Variants in AGGF1 observed in about 807,000 individuals in gnomAD.
The protein encoded by AGGF1 is angiogenic factor with G patch and FHA domains 1.
AGGF1 carries 56 observed loss-of-function variants against 86.5 expected under a neutral mutation model. The ratio of observed to expected loss-of-function variants is 0.65; its 90% confidence interval spans 0.52 to 0.81. The LOEUF (loss-of-function observed/expected upper bound fraction) is 0.81, where lower values mean the gene tolerates loss of function less well. AGGF1 is among the 30% of genes least tolerant of loss of function. The pLI, the probability that AGGF1 is intolerant of heterozygous loss-of-function variation, is 0.00. For missense variants in AGGF1, 816 were observed against 850.9 expected (o/e 0.96, Z 0.51); for synonymous variants, 313 against 297.1 (o/e 1.05, Z -0.55).
At chr5:77,058,452 C>T (rs1312348251) in intron 11 of AGGF1, among the ~76,000 whole-genome samples, 3 of 151,984 alleles carry the variant, frequency 2.0e-5, no homozygotes, top group Non-Finnish European at 2.9e-5. Context: ...TTGTATCTTT[C>T]GTTGTTGTTG....
At chr5:77,055,974 TC>T (rs1172473645) in intron 11 of AGGF1, among the ~76,000 whole-genome samples, 14 of 152,172 alleles carry the variant, frequency 9.2e-5, no homozygotes, top group Admixed American at 9.2e-4. Flanking sequence ...GGCTCTGCAC[TC>T]CAGCCTGGGC....
At chr5:77,051,873 A>G (rs775951228) in intron 8 of AGGF1, among the ~76,000 whole-genome samples, 14 of 152,222 alleles carry the variant, frequency 9.2e-5, no homozygotes, top group Non-Finnish European at 1.8e-4. Flanking sequence ...AGCAAAATGA[A>G]TGAACGACAA....
intron 11 of AGGF1, among the ~76,000 whole-genome samples, chr5:77,056,814 A>C (rs55823036): frequency 0.17 from 25,795 of 152,138 alleles, 2,670 homozygotes; most frequent in Non-Finnish European, 0.21. Context: ...TATTAAGAGA[A>C]TGAAAAGACA....
intron 13 of AGGF1, among the ~76,000 whole-genome samples, 182 bp downstream of exon 13, chr5:77,061,984 A>G (rs1481573621): frequency 6.6e-6 from 1 of 152,168 alleles, no homozygotes; most frequent in Non-Finnish European, 1.5e-5. Flanking sequence ...TGTGTTTTAT[A>G]TTTTTAGAAA....
At chr5:77,034,396 C>G (rs1282997758) in intron 1 of AGGF1, 22 bp from the exon 2 acceptor site, 1 of 1,459,258 alleles carries the variant, frequency 6.9e-7, no homozygotes, top group African/African-American at 1.4e-5. Flanking sequence ...TTTCTTTTTC[C>G]TAAAGCCTTG....
At position 77,052,123 on chromosome 5, in the gene AGGF1, C is replaced by G. The variant is rs200269501; in HGVS notation, c.1366-583C>G. On this transcript the variant is annotated intron_variant, in intron 8 of 13. Transcript: ENST00000312916. Reference sequence around the variant, plus strand: ...ATCCCAGCACTTTGGGAGGCTGAGGCGGGAGGATCACTTGAGCTCAGGAGT... The same window carrying G: ...ATCCCAGCACTTTGGGAGGCTGAGGGGGGAGGATCACTTGAGCTCAGGAGT... Among the ~76,000 whole-genome samples the G allele has an allele frequency of 5.7e-4, 87 of 152,114 alleles. No homozygotes were observed. The East Asian group carries it at 0.016, about 28-fold the overall frequency.
intron 5 of AGGF1, among the ~76,000 whole-genome samples, chr5:77,043,959 C>T (rs1310167028): frequency 2.2e-5 from 3 of 134,992 alleles, no homozygotes; most frequent in Admixed American, 7.4e-5. Context: ...GGGGCAGAGG[C>T]GCTCCCCACA....
intron 5 of AGGF1, among the ~76,000 whole-genome samples, chr5:77,043,984 C>T (rs1362975430): frequency 8.3e-5 from 11 of 133,058 alleles, no homozygotes; most frequent in Non-Finnish European, 1.8e-4. Flanking sequence ...AGACAATGGG[C>T]GGCCGGGCAG....
rs752188683 is a variant in AGGF1, at chr5:77,048,283, T to A, written c.1313+11T>A. 6.6e-7 allele frequency: 1 copy of A among 1,515,476 alleles called. No homozygotes were observed. Among genetic ancestry groups the A allele is most frequent in the Non-Finnish European group, 9.2e-7 (1 of 1,091,696 alleles). 93.9% of individuals were successfully genotyped at this position (1,515,476 alleles called of 1,614,324 possible). ...TGCTACAATTGGAAGGTAAAATGGT[T>A]AATATTATTATATCATTCTTTCAGT... On this transcript the variant is annotated intron_variant, in intron 7 of 13. Coordinates refer to ENST00000312916, the MANE Select transcript of AGGF1 (RefSeq NM_018046.5).
At chr5:77,044,629 T>A (rs1747211105) in intron 5 of AGGF1, among the ~76,000 whole-genome samples, 2 of 152,200 alleles carry the variant, frequency 1.3e-5, no homozygotes, top group African/African-American at 2.4e-5. Context: ...GATTGGAAAC[T>A]GCTTTTTTAA....
rs1253076626 is a variant in AGGF1, at chr5:77,039,669, T to C, written c.820T>C (p.Leu274=). ...CACAAAACAAAGTAAAGATAAAAAA[T>C]TGAAGAAGAAAAGAAAAGATCCAGA... ...SSTKQSKDKK[L]KKKRKDPDSS... Residue 274 remains leucine, a synonymous_variant, in exon 5 of 14, where the codon TTG becomes CTG. Coordinates refer to ENST00000312916, the MANE Select transcript of AGGF1 (RefSeq NM_018046.5). 5 of 1,612,090 alleles carry C rather than the reference T, an allele frequency of 3.1e-6. No individual in the cohort carries two copies. The Admixed American group carries it at 5.0e-5, about 16-fold the overall frequency.
Position 77,030,611 on chromosome 5 carries a change from A to G in AGGF1, c.-156A>G, listed in dbSNP as rs1746822029. ...TCGCAGCCCCGTTCGGCTACAAGTGAGTTTCAGGGCGTCATGGCCAGGGGC... is the reference window on the plus strand; with the variant it reads ...TCGCAGCCCCGTTCGGCTACAAGTGGGTTTCAGGGCGTCATGGCCAGGGGC... On this transcript the variant is annotated 5_prime_UTR_variant, in exon 1 of 14. Coordinates refer to ENST00000312916, the MANE Select transcript of AGGF1 (RefSeq NM_018046.5). 1 of 835,058 alleles carries G rather than the reference A, an allele frequency of 1.2e-6. No individual in the cohort carries two copies. The highest frequency in any genetic ancestry group is 2.0e-6 in the Non-Finnish European group (1 of 508,328). The allele number at this position is 835,058 out of a possible 1,614,324, so 51.7% of individuals were successfully genotyped here.
At chr5:77,053,625 A>G (rs1282809444) in intron 9 of AGGF1, among the ~76,000 whole-genome samples, 6 of 152,166 alleles carry the variant, frequency 3.9e-5, no homozygotes, top group Non-Finnish European at 8.8e-5. Context: ...GATGTGATGC[A>G]TTTATCCCAT....
At chr5:77,054,172 T>C in intron 10 of AGGF1, 42 bp downstream of exon 10, 2 of 1,609,798 alleles carry the variant, frequency 1.2e-6, no homozygotes, top group Non-Finnish European at 8.5e-7. Context: ...AACATTTCTC[T>C]TTCATTACCT....
chr5:77,052,824 TA>T lies in AGGF1; in HGVS notation c.1467+19del. On this transcript the variant is annotated intron_variant, in intron 9 of 13. Transcript: ENST00000312916. ...ATTCTTCAGGTGAGTGTATATGTGT[TA>T]ATTTGTTACCTGCACATTATTTTTA... The T allele has an allele frequency of 6.4e-7, 1 of 1,568,852 alleles. No homozygotes were observed. The highest frequency in any genetic ancestry group is 8.8e-7 in the Non-Finnish European group (1 of 1,139,006).
At chr5:77,036,866 T>C in intron 4 of AGGF1, 146 bp downstream of exon 4, 1 of 883,344 alleles carries the variant, frequency 1.1e-6, no homozygotes, top group Non-Finnish European at 1.8e-6. Context: ...GCATCCCAAG[T>C]AGCTGGGATT....
Position 77,036,541 on chromosome 5 carries a change from C to G in AGGF1, c.517-15C>G. ...GAAGCTTTTGTCTTATTTGGCATGA[C>G]TATATCTTTTATAGGAGCCAGCATC... On this transcript the variant is annotated splice_polypyrimidine_tract_variant and intron_variant, in intron 3 of 13. Transcript: ENST00000312916. 6.2e-7 allele frequency: 1 copy of G among 1,613,682 alleles called. No homozygotes were observed. Among genetic ancestry groups the G allele is most frequent in the Non-Finnish European group, 8.5e-7 (1 of 1,179,714 alleles).
Position 77,035,712 on chromosome 5 carries a change from G to T in AGGF1, c.485G>T (p.Arg162Ile). 1.2e-6 allele frequency: 2 copies of T among 1,613,520 alleles called. No individual in the cohort carries two copies. Among genetic ancestry groups the T allele is most frequent in the Non-Finnish European group, 8.5e-7 (1 of 1,179,678 alleles). ...GATAGAACAGAAAATGTTAAATATAGACAAGTGGACCATTTTGCCTCAAAT... is the reference window on the plus strand; with the variant it reads ...GATAGAACAGAAAATGTTAAATATATACAAGTGGACCATTTTGCCTCAAAT... ...GTDRTENVKY[R>I]QVDHFASNSQ... is the part of the protein sequence containing the mutation. Residue 162 changes from arginine to isoleucine, a missense_variant, in exon 3 of 14, where the codon AGA becomes ATA. Arg to Ile is a moderately conservative substitution (Grantham distance 97). This residue lies in a region of AGGF1 where 240 missense variants were observed against 234.4 expected (regional missense o/e 1.02). Transcript: ENST00000312916.
intron 5 of AGGF1, among the ~76,000 whole-genome samples, chr5:77,042,821 C>A (rs1402378363): frequency 2.9e-5 from 2 of 67,912 alleles, no homozygotes; most frequent in African/African-American, 8.4e-5. Flanking sequence ...CTGACCCCCC[C>A]ACCTCCCTCC....
Sources: allele counts gnomAD v4.1 joint callset (sites outside exome capture counted in the v4.1 genomes callset), GRCh38; gene constraint gnomAD v4.1.1; regional missense constraint gnomAD v4.1.1; transcripts MANE v1.5; gene names NCBI Gene and HGNC (gene_info 2026-07-23, HGNC 2026-07-21).